Variants in CLIP1 observed in about 807,000 individuals in gnomAD.
CLIP1 encodes the protein CAP-Gly domain containing linker protein 1.
CLIP1 carries 66 observed loss-of-function variants against 161.6 expected under a neutral mutation model. The observed-to-expected ratio is 0.41, with a 90% CI of 0.33 to 0.50. The LOEUF is 0.50. Among genes scored for constraint, CLIP1 ranks in the 20% least tolerant of loss-of-function variants. The pLI, the probability that CLIP1 is intolerant of heterozygous loss-of-function variation, is 0.27. For missense variants in CLIP1, 1,376 were observed against 1,702.0 expected, an observed-to-expected ratio of 0.81 and a Z score of 3.37; for synonymous variants, 598 against 626.2, an observed-to-expected ratio of 0.96 and a Z score of 0.67.
At chr12:122,293,552 C>A (rs896664099) in intron 20 of CLIP1, among the ~76,000 whole-genome samples, 1 of 151,668 alleles carries the variant, frequency 6.6e-6, no homozygotes, top group African/African-American at 2.4e-5. Flanking sequence ...AATCTCGGCT[C>A]ACTGCAACCT....
intron 3 of CLIP1, among the ~76,000 whole-genome samples, chr12:122,371,679 A>G (rs1189245972): frequency 1.3e-5 from 2 of 152,186 alleles, no homozygotes; most frequent in African/African-American, 4.8e-5. Context: ...AGGGCACAGG[A>G]CACAGGCGAG....
At position 122,364,203 on chromosome 12, in the gene CLIP1, T is replaced by G. The variant is rs1325585476; in HGVS notation, c.658-96A>C. On this transcript the variant is annotated intron_variant, in intron 3 of 25. Transcript: ENST00000620786. ...AGTAACTAGGTACTACATTCCATCA[T>G]TTCCACCAGCAACTTCTTTGCTTTA... is the stretch of plus-strand genomic sequence containing the variant. 2.8e-6 allele frequency: 4 copies of G among 1,422,596 alleles called. No individual in the cohort carries two copies. The Admixed American group carries it at 7.6e-5, about 27-fold the overall frequency. 88.1% of individuals were successfully genotyped at this position (1,422,596 alleles called of 1,614,324 possible). A position where few individuals can be genotyped will look rare whatever the true frequency, so the allele number is the denominator to read the frequency against.
intron 3 of CLIP1, among the ~76,000 whole-genome samples, chr12:122,366,823 AGAGT>A (rs1954196816): frequency 6.6e-6 from 1 of 152,232 alleles, no homozygotes; most frequent in African/African-American, 2.4e-5. Flanking sequence ...CCTGGGTGAC[AGAGT>A]GAGACCTTGT....
chr12:122,407,748 CAAAAAAAAAAAA>C (rs35500806), intron 1 of CLIP1, among the ~76,000 whole-genome samples: 136 of 38,348 alleles, frequency 3.5e-3, no homozygotes, highest in African/African-American at 0.018. Flanking sequence ...GACCCTGTCT[CAAAAAAAAAAAA>C]AAAAAAAAAA....
chr12:122,370,738 C>T (rs1020208648), intron 3 of CLIP1, among the ~76,000 whole-genome samples: 2 of 152,044 alleles, frequency 1.3e-5, no homozygotes, highest in Non-Finnish European at 2.9e-5. Flanking sequence ...CTTTATGTCT[C>T]GGAACTACTT....
intron 20 of CLIP1, among the ~76,000 whole-genome samples, chr12:122,299,611 G>GAAAAA (rs1491546237): frequency 2.9e-5 from 1 of 34,572 alleles, no homozygotes; most frequent in African/African-American, 3.0e-4. Flanking sequence ...AATAAATTCA[G>GAAAAA]CAAAAAAAAA....
chr12:122,321,915 GGA>G (rs1401293900), intron 17 of CLIP1, among the ~76,000 whole-genome samples: 4 of 152,024 alleles, frequency 2.6e-5, no homozygotes, highest in Non-Finnish European at 5.9e-5. Context: ...TTTCAAATGG[GGA>G]GAGACTACTA....
At chr12:122,409,475 T>C (rs536165753) in intron 1 of CLIP1, among the ~76,000 whole-genome samples, 2 of 152,264 alleles carry the variant, frequency 1.3e-5, no homozygotes, top group African/African-American at 2.4e-5. Context: ...ATCCATAAGA[T>C]AGTTTCTGTA....
intron 1 of CLIP1, among the ~76,000 whole-genome samples, chr12:122,416,211 T>G (rs1236937596): frequency 6.6e-6 from 1 of 152,046 alleles, no homozygotes; most frequent in Non-Finnish European, 1.5e-5. Flanking sequence ...CTCTCCAGCC[T>G]GGGTGATAGA....
In CLIP1 at chr12:122,279,867, A is replaced by T. The variant is rs1266677491; in HGVS notation, c.3648-722T>A. ...ATGGGGAGCCTGGAAGGAGAAATTC[A>T]GAGCGCCTGGTTTATGTTCTCGGCC... On this transcript the variant is annotated intron_variant, in intron 21 of 25. Transcript: ENST00000620786. This position sits in a 1 kb window ranked among gnomAD's most constrained non-coding sequence, Gnocchi z 4.5. The T allele has an allele frequency of 6.6e-6, 1 of 152,258 alleles. No individual in the cohort carries two copies. The highest frequency in any genetic ancestry group is 2.4e-5 in the African/African-American group (1 of 41,440). 9.4% of individuals were successfully genotyped at this position (152,258 alleles called of 1,614,324 possible).
At chr12:122,277,860 G>T in intron 24 of CLIP1, 1 of 320,544 alleles carries the variant, frequency 3.1e-6, no homozygotes, top group East Asian at 5.7e-5. Context: ...AGGGAAGACT[G>T]TATTAGTGCT....
At chr12:122,338,756 A>G (rs1380714879) in intron 11 of CLIP1, among the ~76,000 whole-genome samples, 1 of 152,182 alleles carries the variant, frequency 6.6e-6, no homozygotes, top group Non-Finnish European at 1.5e-5. Flanking sequence ...CCACTGGACA[A>G]TAGTCATTAG....
At chr12:122,292,534 A>T (rs934631061) in intron 20 of CLIP1, among the ~76,000 whole-genome samples, 4 of 152,138 alleles carry the variant, frequency 2.6e-5, no homozygotes, top group African/African-American at 9.7e-5. Context: ...TTTCCGTCCC[A>T]GCCCTGGCAT....
At chr12:122,389,758 CAAAAAAAAAAAA>C (rs57168188) in intron 1 of CLIP1, among the ~76,000 whole-genome samples, 14 of 69,294 alleles carry the variant, frequency 2.0e-4, no homozygotes, top group East Asian at 1.7e-3. Context: ...GATCCTGTCT[CAAAAAAAAAAAA>C]AAAAAAAAAA....
intron 14 of CLIP1, among the ~76,000 whole-genome samples, chr12:122,333,753 G>T (rs1389904039): frequency 6.6e-6 from 1 of 152,208 alleles, no homozygotes; most frequent in African/African-American, 2.4e-5. Context: ...CAGCTGTCAG[G>T]GTAGCTCAGA....
chr12:122,394,370 T>C (rs1385923619), intron 1 of CLIP1, among the ~76,000 whole-genome samples: 5 of 149,656 alleles, frequency 3.3e-5, no homozygotes, highest in Non-Finnish European at 5.9e-5. Flanking sequence ...GTGCCTATAA[T>C]CCCAGTTACT....
chr12:122,347,549 C>T, intron 9 of CLIP1, 70 bp from the exon 10 acceptor site: 1 of 1,165,924 alleles, frequency 8.6e-7, no homozygotes, highest in South Asian at 1.2e-5. Flanking sequence ...AGAGGAGAGA[C>T]AGCGGCATGC....
chr12:122,316,685 A>G (rs1951286236), intron 19 of CLIP1, 64 bp downstream of exon 19: 1 of 993,344 alleles, frequency 1.0e-6, no homozygotes, highest in Non-Finnish European at 1.5e-6. Flanking sequence ...AGTAATTAGC[A>G]TTGTGTTCAC....
At chr12:122,403,494 G>GTT (rs1036910823) in intron 1 of CLIP1, among the ~76,000 whole-genome samples, 22 of 55,796 alleles carry the variant, frequency 3.9e-4, no homozygotes, top group African/African-American at 9.1e-4. Flanking sequence ...ATCATTTCTT[G>GTT]TTTTGTTTTT....
Sources: gnomAD v4.1 joint callset for allele counts (sites outside exome capture counted in the v4.1 genomes callset) on GRCh38, gnomAD v4.1.1 for gene constraint, Gnocchi (gnomAD v3.1) non-coding constraint, MANE v1.5 for transcripts, NCBI Gene and HGNC (gene_info 2026-07-23, HGNC 2026-07-21) for gene names.